FAM50A: variants seen among roughly 807,000 people sequenced by gnomAD.
The protein encoded by FAM50A is family with sequence similarity 50 member A.
FAM50A carries 6 observed loss-of-function variants against 35.5 expected under a neutral mutation model. The observed-to-expected ratio is 0.17, with a 90% confidence interval of 0.09 to 0.33. The LOEUF (loss-of-function observed/expected upper bound fraction) is 0.33, where lower values mean the gene tolerates loss of function less well. FAM50A is among the 10% of genes least tolerant of loss of function. The pLI is 1.00. For synonymous variants in FAM50A, 120 were observed against 110.9 expected (o/e 1.08, Z -0.52); for missense variants, 145 against 295.5 (o/e 0.49, Z 3.73).
rs1474013036 is a variant in FAM50A, at chrX:154,446,511, C to T, written c.393C>T (p.Gly131=). 2 of 1,194,429 alleles carry T rather than the reference C, an allele frequency of 1.7e-6. No individual in the cohort carries two copies. Among genetic ancestry groups the T allele is most frequent in the Admixed American group, 2.2e-5 (1 of 44,916 alleles). The change falls in exon 4 of 13, where the codon GGC becomes GGT. Residue 131 remains glycine (G), a synonymous_variant. Transcript: ENST00000393600. ...CCCTGGAGGAGGAAGAAGAGGGAGG[C>T]GAGGAGGAAGAGGAGGCGGCCATGT... ...SFTLEEEEEG[G]EEEEEAAMYE...
rs200385110 is a variant in FAM50A, at chrX:154,445,609, C to T, written c.112-24C>T. ...CATTTCCACAGTGAGGGGTGGTTCT[C>T]ATGGTGGCTGTCACTCCCCGCAGGA... On this transcript the variant is annotated intron_variant, in intron 1 of 12. Transcript: ENST00000393600. The T allele has an allele frequency of 7.1e-4, 834 of 1,169,271 alleles. 1 individual carries two copies. The highest frequency in any genetic ancestry group is 8.8e-4 in the Non-Finnish European group (755 of 859,070).
intron 3 of FAM50A, 148 bp from the exon 4 acceptor site, chrX:154,446,267 G>A (rs1000267906): frequency 5.9e-5 from 31 of 523,710 alleles, no homozygotes; most frequent in Non-Finnish European, 1.0e-4. Context: ...AGTGATCCAG[G>A]ACAGCAGGAC....
In FAM50A at chrX:154,446,461, C is replaced by T. The variant is rs1557199826; in HGVS notation, c.343C>T (p.Arg115Trp). Reference protein sequence around the residue: ...REKERKKEAKRKISSLSFTLE... With the variant: ...REKERKKEAKWKISSLSFTLE... The stretch of plus-strand genomic sequence containing the variant: ...GAAGGAGCGTAAGAAGGAAGCCAAG[C>T]GGAAGATCTCCAGCCTGTCCTTCAC... The change falls in exon 4 of 13, where the codon CGG (arginine) becomes TGG (tryptophan). Residue 115 changes from arginine to tryptophan, a missense_variant. Arg to Trp is a moderately radical substitution (Grantham distance 101). This residue lies in a region of FAM50A where 31 missense variants were observed against 75.2 expected (regional missense o/e 0.41). Coordinates refer to ENST00000393600, the MANE Select transcript of FAM50A (RefSeq NM_004699.4). The T allele has an allele frequency of 9.1e-6, 11 of 1,210,398 alleles. No individual in the cohort carries two copies. The highest frequency in any genetic ancestry group is 1.2e-5 in the Non-Finnish European group (11 of 894,503).
Position 154,444,318 on chromosome X carries a change from T to C in FAM50A, c.83T>C (p.Met28Thr). The C allele has an allele frequency of 8.9e-7, 1 of 1,117,460 alleles. No individual in the cohort carries two copies. The highest frequency in any genetic ancestry group is 1.2e-6 in the Non-Finnish European group (1 of 846,391). 92.1% of individuals were successfully genotyped at this position (1,117,460 alleles called of 1,213,427 possible). A position where few individuals can be genotyped will look rare whatever the true frequency, so the allele number is the denominator to read the frequency against. Reference sequence around the variant, plus strand: ...AAGCGGGAGAAGCAGCGCGAGCAGATGGAGCAGATGAAGCAGCGCATCGCG... The same window carrying C: ...AAGCGGGAGAAGCAGCGCGAGCAGACGGAGCAGATGAAGCAGCGCATCGCG... The part of the protein sequence containing the change: ...MKKREKQREQ[M>T]EQMKQRIAEE... Residue 28 changes from methionine (M) to threonine (T), a missense_variant, in exon 1 of 13, where the codon ATG becomes ACG. Transcript: ENST00000393600.
intron 1 of FAM50A, chrX:154,444,862 G>A (rs1159313886): frequency 2.7e-5 from 3 of 112,663 alleles, no homozygotes; most frequent in Admixed American, 9.3e-5. Flanking sequence ...TTGCACCTGT[G>A]AGGCAGGCAC....
In FAM50A at chrX:154,450,414, C is replaced by T. The variant is rs2068800794; in HGVS notation, c.1012-10C>T. On this transcript the variant is annotated splice_polypyrimidine_tract_variant and intron_variant, in intron 12 of 12. Coordinates refer to ENST00000393600, the MANE Select transcript of FAM50A (RefSeq NM_004699.4). ...CCTTGTCTCCTCTGCCCACCTTGTC[C>T]TCACACTAGATCCGCTGAGCATCCA... 1 of 1,209,200 alleles carries T rather than the reference C, an allele frequency of 8.3e-7. No homozygotes were observed. The highest frequency in any genetic ancestry group is 1.8e-5 in the African/African-American group (1 of 56,988).
chrX:154,445,320 C>T, intron 1 of FAM50A: 1 of 325,890 alleles, frequency 3.1e-6, no homozygotes, highest in South Asian at 4.9e-5. Flanking sequence ...TCCTCATAAC[C>T]CTTGGCTTGG....
intron 3 of FAM50A, 73 bp from the exon 4 acceptor site, chrX:154,446,342 C>G: frequency 1.9e-6 from 2 of 1,049,736 alleles, no homozygotes; most frequent in Non-Finnish European, 2.7e-6. Flanking sequence ...ACAGGTGGCT[C>G]TGGGTCAAGG....
chrX:154,450,371 C>T, intron 12 of FAM50A, 52 bp downstream of exon 12: 1 of 1,209,545 alleles, frequency 8.3e-7, no homozygotes, highest in Non-Finnish European at 1.1e-6. Flanking sequence ...CAGCCAGCCC[C>T]TGCTCACCCC....
rs1352539663 is a variant in FAM50A, at chrX:154,450,582, A to G, written c.*150A>G. On this transcript the variant is annotated 3_prime_UTR_variant, in exon 13 of 13. Coordinates refer to ENST00000393600, the MANE Select transcript of FAM50A (RefSeq NM_004699.4). Reference sequence around the variant, plus strand: ...GCTCGTGTCCTGCCCCTGCCACATCAGTGACTGCTTTATTCTTTTCCAATA... The same window carrying G: ...GCTCGTGTCCTGCCCCTGCCACATCGGTGACTGCTTTATTCTTTTCCAATA... 9 of 512,075 alleles carry G rather than the reference A, an allele frequency of 1.8e-5. No individual in the cohort carries two copies. Among genetic ancestry groups the G allele is most frequent in the Non-Finnish European group, 2.9e-5 (9 of 307,895 alleles). The allele number at this position is 512,075 out of a possible 1,213,427, so 42.2% of individuals were successfully genotyped here.
chrX:154,444,357 G>GGGAGCCTC lies in FAM50A; in HGVS notation c.111+17_111+24dup. ...CAGCGCATCGCGGAGGTGCGAGCCG[G>GGGAGCCTC]GGAGCCTCGGAGCATGCGCGCTGCC... On this transcript the variant is annotated intron_variant, in intron 1 of 12. Coordinates refer to ENST00000393600, the MANE Select transcript of FAM50A (RefSeq NM_004699.4). The GGGAGCCTC allele has an allele frequency of 9.7e-7, 1 of 1,034,698 alleles. No individual in the cohort carries two copies. 85.3% of individuals were successfully genotyped at this position (1,034,698 alleles called of 1,213,427 possible). A position where few individuals can be genotyped will look rare whatever the true frequency, so the allele number is the denominator to read the frequency against.
At chrX:154,448,864 G>A (rs781983791) in intron 6 of FAM50A, 29 bp from the exon 7 acceptor site, 1 of 1,204,146 alleles carries the variant, frequency 8.3e-7, no homozygotes, top group East Asian at 3.0e-5. Flanking sequence ...CAGTGGGGCT[G>A]GAGACCAAGA....
chrX:154,446,054 C>G, intron 3 of FAM50A, 143 bp downstream of exon 3: 2 of 470,460 alleles, frequency 4.3e-6, no homozygotes, highest in Non-Finnish European at 7.5e-6. Context: ...TTGCATTTCT[C>G]TCTCCCGCCT....
At chrX:154,445,060 AC>A (rs1258413220) in intron 1 of FAM50A, among the ~76,000 whole-genome samples, 2 of 111,001 alleles carry the variant, frequency 1.8e-5, no homozygotes, top group Non-Finnish European at 3.8e-5. Flanking sequence ...GCCTTGAAAC[AC>A]CAAGTCCTCA....
chrX:154,450,342 C>G, intron 12 of FAM50A, 23 bp downstream of exon 12: 1 of 1,204,224 alleles, frequency 8.3e-7, no homozygotes, highest in Non-Finnish European at 1.1e-6. Context: ...TGGCAGGGAC[C>G]CCTCCAAGTT....
rs782244383 is a variant in FAM50A, at chrX:154,450,510, C to T, written c.*78C>T. 104 of 1,059,565 alleles carry T rather than the reference C, an allele frequency of 9.8e-5. No individual in the cohort carries two copies. Among genetic ancestry groups the T allele is most frequent in the African/African-American group, 8.1e-4 (44 of 54,041 alleles). The allele number at this position is 1,059,565 out of a possible 1,213,427, so 87.3% of individuals were successfully genotyped here. A position where few individuals can be genotyped will look rare whatever the true frequency, so the allele number is the denominator to read the frequency against. The stretch of plus-strand genomic sequence containing the variant: ...TGGTGTCACCGGGACTCCAGGCACC[C>T]GCTCCCCTGCGACCATGCCAGGCAC... On this transcript the variant is annotated 3_prime_UTR_variant, in exon 13 of 13. Coordinates refer to ENST00000393600, the MANE Select transcript of FAM50A (RefSeq NM_004699.4).
In FAM50A at chrX:154,450,237, G is replaced by C; in HGVS notation, c.929G>C (p.Ser310Thr). 8.3e-7 allele frequency: 1 copy of C among 1,211,388 alleles called. No homozygotes were observed. The change falls in exon 12 of 13, where the codon AGC (serine) becomes ACC (threonine). Residue 310 changes from serine to threonine, a missense_variant. Ser to Thr is a moderately conservative substitution (Grantham distance 58). Transcript: ENST00000393600. ...CATGCAGGCAAGGTGGTGCTGAGGA[G>C]CTGGTACGAGAAGAACAAGCACATC... is the stretch of plus-strand genomic sequence containing the variant. ...ESHAGKVVLRSWYEKNKHIFP... is the reference protein window; with the variant it reads ...ESHAGKVVLRTWYEKNKHIFP...
chrX:154,450,558 C>T lies in FAM50A; in HGVS notation c.*126C>T. 4 of 656,989 alleles carry T rather than the reference C, an allele frequency of 6.1e-6. No individual in the cohort carries two copies. In the South Asian group the frequency reaches 1.1e-4, roughly 17 times the overall value. The allele number at this position is 656,989 out of a possible 1,213,427, so 54.1% of individuals were successfully genotyped here. On this transcript the variant is annotated 3_prime_UTR_variant, in exon 13 of 13. Transcript: ENST00000393600. ...CACGCTGGGAGGAGGACGGCAGCTG[C>T]TCGTGTCCTGCCCCTGCCACATCAG...
At position 154,450,086 on chromosome X, in the gene FAM50A, TGGA is replaced by T. The variant is rs782537415; in HGVS notation, c.889_891del (p.Glu297del). 1 of 1,209,027 alleles carries T rather than the reference TGGA, an allele frequency of 8.3e-7. No individual in the cohort carries two copies. On this transcript the variant is annotated inframe_deletion, in exon 11 of 13. Transcript: ENST00000393600. ...GTGCGGTTGCTCAGTGACGCCACTG[TGGA>T]GAAGGATGAGGTACAGCGTAGGGGG... is the stretch of plus-strand genomic sequence containing the variant.
Sources: allele counts gnomAD v4.1 joint callset (sites outside exome capture counted in the v4.1 genomes callset), GRCh38; gene constraint gnomAD v4.1.1; regional missense constraint gnomAD v4.1.1; transcripts MANE v1.5; gene names NCBI Gene and HGNC (gene_info 2026-07-23, HGNC 2026-07-21).